The following PHF14 variants were observed in gnomAD, a reference collection of about 807,000 sequenced individuals.
PHF14 encodes PHD finger protein 14.
In PHF14, 55 loss-of-function variants were observed where a neutral mutation model predicts 117.9. That is an observed-to-expected ratio of 0.47 (90% confidence interval 0.38 to 0.58). PHF14 has a LOEUF of 0.58. Ranked by LOEUF, PHF14 falls within the 20% of genes least tolerant of loss-of-function variation. The probability of loss-of-function intolerance (pLI) is 0.00; values close to 1 mark genes in which losing one functional copy is unlikely to be tolerated. For missense variants in PHF14, 978 were observed against 1,122.2 expected, an observed-to-expected ratio of 0.87 and a Z score of 1.84; for synonymous variants, 409 against 368.6, an observed-to-expected ratio of 1.11 and a Z score of -1.26.
chr7:11,103,494 T>A, intron 16 of PHF14: 1 of 984,702 alleles, frequency 1.0e-6, no homozygotes, highest in Non-Finnish European at 1.2e-6. Flanking sequence ...GCTTTAATGA[T>A]CCAGTTTTAA....
intron 4 of PHF14, among the ~76,000 whole-genome samples, chr7:11,008,253 G>T (rs1185801984): frequency 6.6e-6 from 1 of 152,136 alleles, no homozygotes; most frequent in Non-Finnish European, 1.5e-5. Flanking sequence ...TTTAGTGTAT[G>T]CAAAAAGATA....
chr7:11,098,042 T>G (rs1444541648), intron 16 of PHF14, among the ~76,000 whole-genome samples: 1 of 152,124 alleles, frequency 6.6e-6, no homozygotes, highest in African/African-American at 2.4e-5. Context: ...GTTAAAGGAC[T>G]GTGAGTAGAA....
At chr7:10,979,282 A>G (rs1165766886) in intron 2 of PHF14, among the ~76,000 whole-genome samples, 4 of 152,012 alleles carry the variant, frequency 2.6e-5, no homozygotes, top group East Asian at 3.9e-4. Flanking sequence ...TTGTCTGGCC[A>G]TTACCACTCA....
At chr7:11,105,367 A>G in intron 16 of PHF14, 1 of 949,364 alleles carries the variant, frequency 1.1e-6, no homozygotes, top group Non-Finnish European at 1.3e-6. Context: ...ACATCCTATT[A>G]ATGAAAACCA....
rs574906023 is a variant in PHF14 at position 11,095,844 on chromosome 7, A to AT, written c.2655-15495dup. On this transcript the variant is annotated intron_variant, in intron 16 of 17. Coordinates refer to ENST00000634607, the MANE Select transcript of PHF14 (RefSeq NM_001007157.2). The stretch of plus-strand genomic sequence containing the variant: ...ATAAAACCTCAACTGGATTCTGTAG[A>AT]TTTTTTTTTTTACCCTACTCTCATC... Among the ~76,000 whole-genome samples the AT allele has an allele frequency of 5.7e-3, 849 of 148,306 alleles. 6 individuals carry two copies. Among genetic ancestry groups the AT allele is most frequent in the Middle Eastern group, 0.017 (5 of 286 alleles).
chr7:11,156,240 A>T (rs1031244006), intron 17 of PHF14, among the ~76,000 whole-genome samples: 2 of 152,236 alleles, frequency 1.3e-5, no homozygotes, highest in African/African-American at 4.8e-5. Context: ...GACACTGATA[A>T]TAAAGTGCCA....
chr7:11,124,487 A>G (rs1428665037), intron 17 of PHF14, among the ~76,000 whole-genome samples: 1 of 152,166 alleles, frequency 6.6e-6, no homozygotes, highest in African/African-American at 2.4e-5. Flanking sequence ...TAATAATAAT[A>G]ATAGAAGTTA....
chr7:11,039,968 A>G (rs1784446307), intron 11 of PHF14, among the ~76,000 whole-genome samples: 1 of 152,144 alleles, frequency 6.6e-6, no homozygotes, highest in Non-Finnish European at 1.5e-5. Context: ...TTGATTTGCA[A>G]GTTTTTCTCA....
At chr7:11,160,193 C>T (rs932696228) in intron 17 of PHF14, among the ~76,000 whole-genome samples, 1 of 152,090 alleles carries the variant, frequency 6.6e-6, no homozygotes, top group Non-Finnish European at 1.5e-5. Flanking sequence ...AGTTAATACA[C>T]TTAGGCCTCC....
chr7:11,019,890 C>A (rs1783674517), intron 5 of PHF14, among the ~76,000 whole-genome samples: 1 of 152,012 alleles, frequency 6.6e-6, no homozygotes, highest in Non-Finnish European at 1.5e-5. Context: ...CTTAGTAGGG[C>A]TTTTGCTGTA....
intron 17 of PHF14, among the ~76,000 whole-genome samples, chr7:11,162,653 A>C (rs1265222859): frequency 1.3e-5 from 2 of 151,306 alleles, no homozygotes. Context: ...TCCCCAGATC[A>C]GAGGGAGTCC....
chr7:11,099,086 A>T (rs1786988935), intron 16 of PHF14, among the ~76,000 whole-genome samples: 1 of 152,140 alleles, frequency 6.6e-6, no homozygotes, highest in Admixed American at 6.6e-5. Context: ...TAATGAGTGT[A>T]GCCCAGCTGC....
Position 11,037,031 on chromosome 7 carries a change from A to G in PHF14, c.1920A>G (p.Gln640=), listed in dbSNP as rs756116442. 64 of 1,509,034 alleles carry G rather than the reference A, an allele frequency of 4.2e-5. No individual in the cohort carries two copies. In the East Asian group the frequency reaches 5.8e-4, roughly 14 times the overall value. 93.5% of individuals were successfully genotyped at this position (1,509,034 alleles called of 1,614,324 possible). ...MIQIQENMAE[Q]KNIKDKLENE... is the part of the protein sequence containing the mutation. ...AAATTCAGGAAAATATGGCTGAACA[A>G]AAGAATATAAAAGATAAATTAGAGA... Residue 640 remains glutamine (Q), a synonymous_variant, in exon 10 of 18, where the codon CAA becomes CAG. Transcript: ENST00000634607.
At chr7:10,984,825 GT>G (rs1187753809) in intron 3 of PHF14, among the ~76,000 whole-genome samples, 17 of 152,052 alleles carry the variant, frequency 1.1e-4, no homozygotes, top group African/African-American at 1.9e-4. Flanking sequence ...TGGTTGTTTA[GT>G]TTTTTTTCCC....
intron 17 of PHF14, among the ~76,000 whole-genome samples, chr7:11,154,645 A>G (rs962851752): frequency 5.3e-5 from 8 of 152,098 alleles, no homozygotes; most frequent in African/African-American, 1.7e-4. Flanking sequence ...TCAGAGAGAA[A>G]GAGCATTAAT....
At chr7:10,981,434 A>G (rs914914688) in intron 2 of PHF14, among the ~76,000 whole-genome samples, 10 of 152,166 alleles carry the variant, frequency 6.6e-5, no homozygotes, top group African/African-American at 2.4e-4. Context: ...AAGAATGATT[A>G]CTGAGTACTT....
intron 17 of PHF14, among the ~76,000 whole-genome samples, chr7:11,154,979 G>A (rs75519634): frequency 2.0e-5 from 3 of 151,814 alleles, no homozygotes; most frequent in Admixed American, 6.6e-5. Context: ...GAAAAAAAAA[G>A]CACTGTTTTT....
At chr7:10,991,955 A>T (rs115882298) in intron 4 of PHF14, among the ~76,000 whole-genome samples, 294 of 151,586 alleles carry the variant, frequency 1.9e-3, no homozygotes, top group African/African-American at 6.9e-3. Context: ...CTAGTTTTTA[A>T]ATAAAATTCA....
chr7:11,169,561 T>A lies in PHF14; in HGVS notation c.*71T>A. 1.6e-6 allele frequency: 1 copy of A among 624,444 alleles called. No individual in the cohort carries two copies. The highest frequency in any genetic ancestry group is 2.6e-6 in the Non-Finnish European group (1 of 377,756). 38.7% of individuals were successfully genotyped at this position (624,444 alleles called of 1,614,324 possible). ...GCAGATAAAATTTCTAATTGTAAAA[T>A]GTTAAATTGTAAAATCTAATTTGCA... On this transcript the variant is annotated 3_prime_UTR_variant, in exon 18 of 18. Coordinates refer to ENST00000634607, the MANE Select transcript of PHF14 (RefSeq NM_001007157.2).
Sources: allele counts gnomAD v4.1 joint callset (sites outside exome capture counted in the v4.1 genomes callset), GRCh38; gene constraint gnomAD v4.1.1; transcripts MANE v1.5; gene names NCBI Gene and HGNC (gene_info 2026-07-23, HGNC 2026-07-21).